LONRF3: variants seen among roughly 807,000 people sequenced by gnomAD.
LONRF3 encodes LON peptidase N-terminal domain and RING finger protein 3.
LONRF3 carries 19 observed loss-of-function variants against 51.7 expected under a neutral mutation model. That is an observed-to-expected ratio of 0.37 (90% CI 0.26 to 0.54). LONRF3 has a LOEUF of 0.54. Among genes scored for constraint, LONRF3 ranks in the 20% least tolerant of loss-of-function variants. The pLI is 0.86. For synonymous variants in LONRF3, 265 were observed against 257.8 expected (o/e 1.03, Z -0.27); for missense variants, 521 against 623.9 (o/e 0.84, Z 1.76).
intron 4 of LONRF3, 22 bp downstream of exon 4, chrX:118,989,694 A>G (rs1038529067): frequency 8.4e-7 from 1 of 1,196,175 alleles, no homozygotes; most frequent in African/African-American, 1.8e-5. Context: ...ACCCAGAGAG[A>G]AGGTAGCTTG....
chrX:119,009,277 C>T (rs1462849448), intron 7 of LONRF3, 30 bp downstream of exon 7: 4 of 1,168,783 alleles, frequency 3.4e-6, no homozygotes, highest in Non-Finnish European at 4.6e-6. Context: ...TGTTTTGTTT[C>T]ACTCATACCA....
rs779903060 is a variant in LONRF3 at position 119,007,305 on chromosome X, C to T, written c.1530+1070C>T. On this transcript the variant is annotated intron_variant, in intron 6 of 10. Coordinates refer to ENST00000371628, the MANE Select transcript of LONRF3 (RefSeq NM_001031855.3). The stretch of plus-strand genomic sequence containing the variant: ...TTCTGTGGCTTGAAGATAACAGCTC[C>T]AAAGGCCCCAGAAGAACCTCACAGA... Among the ~76,000 whole-genome samples the T allele has an allele frequency of 2.7e-5, 3 of 111,522 alleles. No individual in the cohort carries two copies. The East Asian group carries it at 8.5e-4, about 32-fold the overall frequency.
chrX:118,984,092 T>C (rs1210104129), intron 3 of LONRF3, among the ~76,000 whole-genome samples: 1 of 112,328 alleles, frequency 8.9e-6, no homozygotes, highest in Non-Finnish European at 1.9e-5. Context: ...TGCTAGGCAT[T>C]TTATGTGGAG....
chrX:119,009,736 G>A (rs1305533683), intron 7 of LONRF3, among the ~76,000 whole-genome samples: 1 of 111,548 alleles, frequency 9.0e-6, no homozygotes, highest in African/African-American at 3.3e-5. Flanking sequence ...CTTATCTGTA[G>A]CTTGAGAATA....
rs369180848 is a variant in LONRF3, at chrX:118,987,445, G to GTTTTTTTTTTT, written c.1060-1945_1060-1935dup. Among the ~76,000 whole-genome samples the GTTTTTTTTTTT allele has an allele frequency of 1.2e-3, 40 of 32,304 alleles. 2 individuals carry two copies. The highest frequency in any genetic ancestry group is 3.7e-3 in the African/African-American group (24 of 6,478). The allele number at this position is 32,304 out of a possible 115,157, so 28.1% of individuals were successfully genotyped here. On this transcript the variant is annotated intron_variant, in intron 3 of 10. Transcript: ENST00000371628. The stretch of plus-strand genomic sequence containing the variant: ...GGCACGTGCCACCATGCCTGGCTAA[G>GTTTTTTTTTTT]TTTTTTTTTTTTTTTTTTTTTTTTT...
chrX:119,014,929 G>T (rs900019127), intron 10 of LONRF3, among the ~76,000 whole-genome samples: 1 of 111,913 alleles, frequency 8.9e-6, no homozygotes, highest in African/African-American at 3.2e-5. Flanking sequence ...GGGCTGAACA[G>T]CTCTGTTCAT....
intron 1 of LONRF3, among the ~76,000 whole-genome samples, chrX:118,976,071 C>T (rs1396374489): frequency 8.8e-6 from 1 of 113,101 alleles, no homozygotes; most frequent in Non-Finnish European, 1.9e-5. Context: ...GCTCCTCGCA[C>T]TTGCGCCCGG....
In LONRF3 at chrX:118,994,244, C is replaced by T. The variant is rs374307396; in HGVS notation, c.1415+3684C>T. ...ATGCCCCACTTAAAAGATACAGAAC[C>T]GCAGAATGGATAAGAACTCACCAAC... is the stretch of plus-strand genomic sequence containing the variant. On this transcript the variant is annotated intron_variant, in intron 5 of 10. Transcript: ENST00000371628. Among the ~76,000 whole-genome samples, 10 of 111,424 alleles carry T rather than the reference C, an allele frequency of 9.0e-5. No homozygotes were observed. In the South Asian group the frequency reaches 1.5e-3, roughly 17 times the overall value.
chrX:119,016,433 C>T (rs763218079), intron 10 of LONRF3, among the ~76,000 whole-genome samples: 10 of 105,718 alleles, frequency 9.5e-5, no homozygotes, highest in South Asian at 8.9e-4. Flanking sequence ...CTGCAAGCTC[C>T]GCCTCCCAGG....
chrX:119,001,615 T>A (rs1170685706), intron 5 of LONRF3, among the ~76,000 whole-genome samples: 1 of 111,854 alleles, frequency 8.9e-6, no homozygotes, highest in Non-Finnish European at 1.9e-5. Flanking sequence ...AATTGAGTAT[T>A]GAAAAGTGTA....
At chrX:118,993,445 G>T (rs1046374655) in intron 5 of LONRF3, among the ~76,000 whole-genome samples, 2 of 111,453 alleles carry the variant, frequency 1.8e-5, no homozygotes, top group Non-Finnish European at 3.8e-5. Context: ...TGAAGACAAG[G>T]TCTTCAAATT....
intron 2 of LONRF3, among the ~76,000 whole-genome samples, chrX:118,980,181 A>G (rs1467638017): frequency 1.8e-5 from 2 of 112,031 alleles, no homozygotes; most frequent in Non-Finnish European, 3.8e-5. Context: ...CAGAAAACCA[A>G]TGTATCCAAG....
At chrX:118,990,429 G>A (rs375302904) in intron 4 of LONRF3, 41 bp from the exon 5 acceptor site, 15 of 1,050,528 alleles carry the variant, frequency 1.4e-5, no homozygotes, top group African/African-American at 3.7e-5. Flanking sequence ...CTATGAAACC[G>A]GGGTGGCTCC....
At chrX:119,007,295 A>G (rs1924802918) in intron 6 of LONRF3, among the ~76,000 whole-genome samples, 1 of 111,608 alleles carries the variant, frequency 9.0e-6, no homozygotes, top group African/African-American at 3.3e-5. Flanking sequence ...TGGCTTGAAG[A>G]TAACAGCTCC....
At chrX:118,987,878 A>G (rs776462444) in intron 3 of LONRF3, among the ~76,000 whole-genome samples, 18 of 111,925 alleles carry the variant, frequency 1.6e-4, no homozygotes, top group Admixed American at 9.5e-4. Context: ...GAGGAAAGAG[A>G]TGTTGGAAAG....
intron 5 of LONRF3, among the ~76,000 whole-genome samples, chrX:118,995,853 T>C (rs1325040995): frequency 8.9e-6 from 1 of 111,863 alleles, no homozygotes; most frequent in Admixed American, 9.4e-5. Context: ...AACTTAAAAA[T>C]TGCTAACAAC....
chrX:118,982,112 G>A (rs764937392), intron 2 of LONRF3, among the ~76,000 whole-genome samples: 1 of 111,943 alleles, frequency 8.9e-6, no homozygotes. Context: ...TTGGGCTTGG[G>A]CCCTGAGGAG....
intron 4 of LONRF3, among the ~76,000 whole-genome samples, chrX:118,990,230 C>T (rs753121939): frequency 6.3e-5 from 7 of 111,775 alleles, no homozygotes; most frequent in Non-Finnish European, 9.4e-5. Context: ...AATGAAGTCC[C>T]CAGGGCTCCT....
rs758066975 is a variant in LONRF3, at chrX:118,975,128, G to T, written c.348G>T (p.Pro116=). 10 of 1,169,024 alleles carry T rather than the reference G, an allele frequency of 8.6e-6. No individual in the cohort carries two copies. Among genetic ancestry groups the T allele is most frequent in the East Asian group, 6.5e-5 (2 of 30,919 alleles). The change falls in exon 1 of 11, where the codon CCG becomes CCT. Residue 116 remains proline (P), a synonymous_variant. Transcript: ENST00000371628. ...TGCGCTGCCTGGCGGAGAAAGTCCCGCAAGGCGAGGCGCTGGCGCCGGCGC... is the reference window on the plus strand; with the variant it reads ...TGCGCTGCCTGGCGGAGAAAGTCCCTCAAGGCGAGGCGCTGGCGCCGGCGC... ...QLVRCLAEKV[P]QGEALAPAPP... is the part of the protein sequence containing the mutation.
Sources: allele counts gnomAD v4.1 joint callset (sites outside exome capture counted in the v4.1 genomes callset), GRCh38; gene constraint gnomAD v4.1.1; transcripts MANE v1.5; gene names NCBI Gene and HGNC (gene_info 2026-07-23, HGNC 2026-07-21).